MINDY4B: variants seen among roughly 807,000 people sequenced by gnomAD.
The protein encoded by MINDY4B is MINDY family member 4B.
Under a neutral mutation model 16.7 loss-of-function variants are expected in MINDY4B, and 25 were observed. The ratio of observed to expected loss-of-function variants is 1.49; its 90% confidence interval spans 1.09 to 2.09. MINDY4B has a LOEUF of 2.09. Among genes scored for constraint, MINDY4B ranks in the 30% most tolerant of loss-of-function variants. MINDY4B has a pLI of 0.00. For missense variants in MINDY4B, 327 were observed against 168.4 expected (o/e 1.94, Z -5.21); for synonymous variants, 132 against 61.9 (o/e 2.13, Z -5.32).
At chr3:150,877,841 T>C (rs1220988290) in intron 10 of MINDY4B, among the ~76,000 whole-genome samples, 1 of 152,130 alleles carries the variant, frequency 6.6e-6, no homozygotes, top group African/African-American at 2.4e-5. Context: ...TAATAGATGA[T>C]AAAAGTACTG....
At chr3:150,892,392 G>GA (rs1450890517) in intron 5 of MINDY4B, among the ~76,000 whole-genome samples, 4 of 152,322 alleles carry the variant, frequency 2.6e-5, no homozygotes, top group Admixed American at 1.3e-4. Context: ...CTTGCGTCAA[G>GA]AATCCACATC....
In MINDY4B at chr3:150,894,304, T is replaced by C. The variant is rs1220447434; in HGVS notation, c.311A>G (p.Lys104Arg). 1.5e-6 allele frequency: 1 copy of C among 688,566 alleles called. No individual in the cohort carries two copies. The highest frequency in any genetic ancestry group is 1.8e-5 in the African/African-American group (1 of 56,274). The allele number at this position is 688,566 out of a possible 1,614,324, so 42.7% of individuals were successfully genotyped here. A position where few individuals can be genotyped will look rare whatever the true frequency, so the allele number is the denominator to read the frequency against. Reference sequence around the variant, plus strand: ...GTTTCCAAACAGGATCTGCCGCAGCTTCTGAAAAGAGGGGAAAGAAATGAT... The same window carrying C: ...GTTTCCAAACAGGATCTGCCGCAGCCTCTGAAAAGAGGGGAAAGAAATGAT... ...GFPISLAMATKLRQILFGNTV... is the reference protein window; with the variant it reads ...GFPISLAMATRLRQILFGNTV... Residue 104 changes from lysine (K) to arginine (R), a missense_variant and splice_region_variant, in exon 4 of 12, where the codon AAG becomes AGG. Coordinates refer to ENST00000465419, the MANE Select transcript of MINDY4B (RefSeq NM_001351281.2).
intron 7 of MINDY4B, among the ~76,000 whole-genome samples, chr3:150,888,585 C>T (rs1711690886): frequency 6.6e-6 from 1 of 152,124 alleles, no homozygotes; most frequent in Non-Finnish European, 1.5e-5. Context: ...GGGTGCTGAT[C>T]ACAATGTGCA....
At position 150,905,078 on chromosome 3, in the gene MINDY4B, T is replaced by G. The variant is rs1712208841; in HGVS notation, c.125A>C (p.Asn42Thr). ...EIFSYHRLGT[N>T]NSTPQNHEGN... is the part of the protein sequence containing the mutation. ...AGTAATTACCTGAGGAGTTGAATTA[T>G]TGGTTCCCAACCTTTAAATGAAAGA... is the stretch of plus-strand genomic sequence containing the variant. Residue 42 changes from asparagine (N) to threonine (T), a missense_variant, in exon 2 of 12, where the codon AAT (asparagine) becomes ACT (threonine). Physicochemically the swap from Asn to Thr is moderately conservative, Grantham distance 65. Transcript: ENST00000465419. 1 of 398,550 alleles carries G rather than the reference T, an allele frequency of 2.5e-6. No individual in the cohort carries two copies. Among genetic ancestry groups the G allele is most frequent in the Non-Finnish European group, 4.4e-6 (1 of 226,006 alleles). 24.7% of individuals were successfully genotyped at this position (398,550 alleles called of 1,614,324 possible).
chr3:150,897,543 G>T (rs1712009236), intron 3 of MINDY4B, among the ~76,000 whole-genome samples: 1 of 152,164 alleles, frequency 6.6e-6, no homozygotes, highest in South Asian at 2.1e-4. Flanking sequence ...GCTGTGCATG[G>T]AGCAGGCCCT....
At chr3:150,881,568 A>T (rs1711522191) in intron 10 of MINDY4B, among the ~76,000 whole-genome samples, 1 of 144,280 alleles carries the variant, frequency 6.9e-6, no homozygotes, top group Admixed American at 7.2e-5. Context: ...TGAACCCAGG[A>T]GTTCAAGACC....
chr3:150,883,824 GC>G (rs1711563889), intron 8 of MINDY4B, 52 bp from the exon 9 acceptor site: 2 of 696,828 alleles, frequency 2.9e-6, no homozygotes, highest in Admixed American at 4.1e-5. Context: ...TGCACCGGGA[GC>G]CTGCAGCTTC....
At chr3:150,877,704 G>A (rs575518647) in intron 10 of MINDY4B, among the ~76,000 whole-genome samples, 1 of 152,216 alleles carries the variant, frequency 6.6e-6, no homozygotes. Flanking sequence ...CTCTAACCTA[G>A]AAGTCAGTGG....
chr3:150,894,425 C>A, intron 3 of MINDY4B, 120 bp from the exon 4 acceptor site: 1 of 568,540 alleles, frequency 1.8e-6, no homozygotes, highest in South Asian at 2.3e-5. Flanking sequence ...TTCAGGTTTA[C>A]ATATTACTCT....
rs1379638871 is a variant in MINDY4B, at chr3:150,870,547, C to G, written c.*498G>C. Among the ~76,000 whole-genome samples the G allele has an allele frequency of 2.0e-5, 3 of 152,224 alleles. No homozygotes were observed. Among genetic ancestry groups the G allele is most frequent in the African/African-American group, 7.2e-5 (3 of 41,458 alleles). On this transcript the variant is annotated 3_prime_UTR_variant, in exon 12 of 12. Transcript: ENST00000465419. ...CCATTTACTATTTTAATGACAAGAACTTGCTAATGTGGGCATATGAACTGT... is the reference window on the plus strand; with the variant it reads ...CCATTTACTATTTTAATGACAAGAAGTTGCTAATGTGGGCATATGAACTGT...
intron 3 of MINDY4B, among the ~76,000 whole-genome samples, chr3:150,895,983 T>G (rs1711950810): frequency 6.6e-6 from 1 of 152,192 alleles, no homozygotes; most frequent in African/African-American, 2.4e-5. Context: ...TGATTATTCT[T>G]AGAATAATAG....
intron 3 of MINDY4B, 123 bp from the exon 4 acceptor site, chr3:150,894,428 A>G (rs1376168048): frequency 1.8e-6 from 1 of 561,616 alleles, no homozygotes. Flanking sequence ...AGGTTTACAT[A>G]TTACTCTAGT....
intron 10 of MINDY4B, among the ~76,000 whole-genome samples, chr3:150,881,006 T>C (rs2107898455): frequency 6.6e-6 from 1 of 152,362 alleles, no homozygotes; most frequent in Non-Finnish European, 1.5e-5. Context: ...ATTAGGAGCT[T>C]TATAACGATA....
Position 150,883,258 on chromosome 3 carries a change from CAT to C in MINDY4B, c.898-202_898-201del, listed in dbSNP as rs1711551431. 3.9e-5 allele frequency among the ~76,000 whole-genome samples: 6 copies of C among 152,246 alleles called. 1 individual carries two copies. The South Asian group carries it at 1.2e-3, about 32-fold the overall frequency. ...TAGCTTTTTTTCTTAAACCTTACCC[CAT>C]AACTCCCTCTGTACCCCACTCTGAT... On this transcript the variant is annotated intron_variant, in intron 9 of 11. Transcript: ENST00000465419.
chr3:150,878,505 A>G (rs1711500365), intron 10 of MINDY4B, among the ~76,000 whole-genome samples: 1 of 152,212 alleles, frequency 6.6e-6, no homozygotes, highest in Non-Finnish European at 1.5e-5. Flanking sequence ...ATTAGTGTAC[A>G]ATTTCAGGCA....
chr3:150,902,587 G>T (rs1318829830), intron 3 of MINDY4B, among the ~76,000 whole-genome samples: 1 of 152,216 alleles, frequency 6.6e-6, no homozygotes, highest in Admixed American at 6.5e-5. Context: ...ACTACCTCCA[G>T]CTTTGGCCTA....
At chr3:150,898,875 A>G (rs978907150) in intron 3 of MINDY4B, among the ~76,000 whole-genome samples, 3 of 152,116 alleles carry the variant, frequency 2.0e-5, no homozygotes. Context: ...ACTGCCTTGT[A>G]CTTTGTCCCG....
Position 150,899,235 on chromosome 3 carries a change from A to G in MINDY4B, c.309+4014T>C, listed in dbSNP as rs80103627. 5.7e-3 allele frequency among the ~76,000 whole-genome samples: 870 copies of G among 152,354 alleles called. 10 individuals are homozygous for G. Among genetic ancestry groups the G allele is most frequent in the African/African-American group, 0.02 (836 of 41,582 alleles). On this transcript the variant is annotated intron_variant, in intron 3 of 11. Transcript: ENST00000465419. ...TCAGCTAAATGGCACATGTAAGGTC[A>G]TGTATATAGTAAATGGCAGTGCCAG...
chr3:150,884,819 C>T (rs2107900883), intron 8 of MINDY4B, among the ~76,000 whole-genome samples: 1 of 152,280 alleles, frequency 6.6e-6, no homozygotes, highest in Middle Eastern at 3.4e-3. Flanking sequence ...GCAGAGGCCC[C>T]TTCCTCCTCT....
Sources: gnomAD v4.1 joint callset for allele counts (sites outside exome capture counted in the v4.1 genomes callset) on GRCh38, gnomAD v4.1.1 for gene constraint, MANE v1.5 for transcripts, NCBI Gene and HGNC (gene_info 2026-07-23, HGNC 2026-07-21) for gene names.